CSRNP3: variants seen among roughly 807,000 people sequenced by gnomAD.
CSRNP3 encodes cysteine/serine-rich nuclear protein 3.
A neutral mutation model predicts 48.0 loss-of-function variants in CSRNP3; 12 were observed. That is an observed-to-expected ratio of 0.25 (90% CI 0.16 to 0.41). The LOEUF (loss-of-function observed/expected upper bound fraction) is 0.41, where lower values mean the gene tolerates loss of function less well. Among genes scored for constraint, CSRNP3 ranks in the 10% least tolerant of loss-of-function variants. The pLI, the probability that CSRNP3 is intolerant of heterozygous loss-of-function variation, is 1.00. For synonymous variants in CSRNP3, 263 were observed against 269.7 expected, an observed-to-expected ratio of 0.98 and a Z score of 0.24; for missense variants, 580 against 724.4, an observed-to-expected ratio of 0.80 and a Z score of 2.29.
At chr2:165,495,949 A>G (rs926660840) in intron 2 of CSRNP3, among the ~76,000 whole-genome samples, 1 of 152,120 alleles carries the variant, frequency 6.6e-6, no homozygotes, top group African/African-American at 2.4e-5. Context: ...TACCTATGTA[A>G]CAAACCTGCA....
chr2:165,677,816 C>T (rs1381774775), intron 6 of CSRNP3, among the ~76,000 whole-genome samples: 1 of 152,124 alleles, frequency 6.6e-6, no homozygotes, highest in Non-Finnish European at 1.5e-5. Context: ...CATGAATACC[C>T]TTGGATTGTC....
intron 3 of CSRNP3, among the ~76,000 whole-genome samples, chr2:165,522,680 C>T (rs1684678501): frequency 6.6e-6 from 1 of 151,894 alleles, no homozygotes; most frequent in African/African-American, 2.4e-5. Context: ...AAACTCTTTT[C>T]CTTTCACTTC....
intron 1 of CSRNP3, among the ~76,000 whole-genome samples, chr2:165,483,671 G>A (rs1333622710): frequency 6.6e-6 from 1 of 152,182 alleles, no homozygotes; most frequent in Non-Finnish European, 1.5e-5. Flanking sequence ...TCTGGAGGAT[G>A]GAAGTCCAAG....
At chr2:165,615,094 T>A (rs1276692793) in intron 4 of CSRNP3, among the ~76,000 whole-genome samples, 1 of 152,238 alleles carries the variant, frequency 6.6e-6, no homozygotes, top group Non-Finnish European at 1.5e-5. Context: ...ATACTGAAGT[T>A]AAGTTCTATG....
chr2:165,532,673 C>T (rs1217404863), intron 3 of CSRNP3, among the ~76,000 whole-genome samples: 1 of 151,894 alleles, frequency 6.6e-6, no homozygotes, highest in South Asian at 2.1e-4. Context: ...CCTCTCTCAC[C>T]GCTCCTATTC....
chr2:165,482,620 C>A (rs1684062576), intron 1 of CSRNP3, among the ~76,000 whole-genome samples: 1 of 152,156 alleles, frequency 6.6e-6, no homozygotes, highest in Non-Finnish European at 1.5e-5. Context: ...CAGATTGAAG[C>A]AATTCTTCCC....
At chr2:165,477,627 C>T (rs1478041675) in intron 1 of CSRNP3, among the ~76,000 whole-genome samples, 1 of 148,898 alleles carries the variant, frequency 6.7e-6, no homozygotes, top group Non-Finnish European at 1.5e-5. Context: ...CAAGATCATG[C>T]TACTGCACTC....
chr2:165,578,670 A>G (rs1419088321), intron 3 of CSRNP3, among the ~76,000 whole-genome samples: 1 of 152,178 alleles, frequency 6.6e-6, no homozygotes, highest in Admixed American at 6.5e-5. Flanking sequence ...TTTATTTAAT[A>G]CAATAAAACC....
chr2:165,533,368 T>C (rs1321977235), intron 3 of CSRNP3, among the ~76,000 whole-genome samples: 3 of 152,110 alleles, frequency 2.0e-5, no homozygotes, highest in African/African-American at 4.8e-5. Flanking sequence ...CAATCTCAAA[T>C]TGATGGAGGA....
chr2:165,522,342 C>T (rs773255024), intron 3 of CSRNP3, among the ~76,000 whole-genome samples: 1 of 151,992 alleles, frequency 6.6e-6, no homozygotes, highest in Admixed American at 6.6e-5. Context: ...AACAGATACA[C>T]TTTAAATATC....
Position 165,617,236 on chromosome 2 carries a change from T to C in CSRNP3, c.148+22023T>C, listed in dbSNP as rs74971681. Among the ~76,000 whole-genome samples, 1,185 of 151,610 alleles carry C rather than the reference T, an allele frequency of 7.8e-3. 20 individuals carry two copies. Among genetic ancestry groups the C allele is most frequent in the Admixed American group, 0.04 (617 of 15,268 alleles). ...TCATGTTTCCGTGCTTTTTCATGTT[T>C]CTGTATCATTACATGATAGCTGCAC... is the stretch of plus-strand genomic sequence containing the variant. On this transcript the variant is annotated intron_variant, in intron 4 of 6. Coordinates refer to ENST00000651982, the MANE Select transcript of CSRNP3 (RefSeq NM_001172173.2).
chr2:165,588,009 G>A (rs949763372), intron 3 of CSRNP3, among the ~76,000 whole-genome samples: 2 of 152,142 alleles, frequency 1.3e-5, no homozygotes, highest in African/African-American at 4.8e-5. Flanking sequence ...CTAGGCACTT[G>A]AAACATTTGT....
intron 4 of CSRNP3, among the ~76,000 whole-genome samples, chr2:165,631,319 T>A (rs947217450): frequency 4.6e-5 from 7 of 152,204 alleles, no homozygotes; most frequent in African/African-American, 1.7e-4. Flanking sequence ...CAGCTTGATG[T>A]GCAGGCCATG....
chr2:165,619,364 A>G (rs1384453017), intron 4 of CSRNP3, among the ~76,000 whole-genome samples: 1 of 152,130 alleles, frequency 6.6e-6, no homozygotes, highest in African/African-American at 2.4e-5. Flanking sequence ...TCCGAAAACT[A>G]CAACTATGGA....
In CSRNP3 at chr2:165,513,555, T is replaced by C. The variant is rs528514271; in HGVS notation, c.-112-4318T>C. 2.6e-5 allele frequency among the ~76,000 whole-genome samples: 4 copies of C among 152,358 alleles called. No individual in the cohort carries two copies. In the South Asian group the frequency reaches 6.2e-4, roughly 24 times the overall value. ...GCCTTTCAAACAAGTTCTATTTCTT[T>C]ATAGCTTATCACCGAATCATCTATT... On this transcript the variant is annotated intron_variant, in intron 2 of 6. Coordinates refer to ENST00000651982, the MANE Select transcript of CSRNP3 (RefSeq NM_001172173.2).
chr2:165,667,095 GA>G (rs1558968415), intron 5 of CSRNP3, among the ~76,000 whole-genome samples: 6 of 31,822 alleles, frequency 1.9e-4, no homozygotes, highest in East Asian at 8.8e-4. Flanking sequence ...AAGAGAGAGA[GA>G]GAAAAGGAAG....
chr2:165,531,924 T>C (rs1324966211), intron 3 of CSRNP3, among the ~76,000 whole-genome samples: 1 of 152,020 alleles, frequency 6.6e-6, no homozygotes, highest in African/African-American at 2.4e-5. Flanking sequence ...GAGAATACTA[T>C]AAACACCTCT....
At chr2:165,616,094 A>T (rs998470465) in intron 4 of CSRNP3, among the ~76,000 whole-genome samples, 9 of 152,016 alleles carry the variant, frequency 5.9e-5, no homozygotes, top group African/African-American at 1.9e-4. Flanking sequence ...TGTGGGCAAC[A>T]TATAATTGGG....
At chr2:165,527,203 T>TC (rs1684743707) in intron 3 of CSRNP3, among the ~76,000 whole-genome samples, 1 of 140,244 alleles carries the variant, frequency 7.1e-6, no homozygotes, top group Non-Finnish European at 1.6e-5. Context: ...TTTGTACTTT[T>TC]TTTTTTTTTT....
Sources: gnomAD v4.1 joint callset for allele counts (sites outside exome capture counted in the v4.1 genomes callset) on GRCh38, gnomAD v4.1.1 for gene constraint, MANE v1.5 for transcripts, NCBI Gene and HGNC (gene_info 2026-07-23, HGNC 2026-07-21) for gene names.